UBR3: variants seen among roughly 807,000 people sequenced by gnomAD.
UBR3 encodes ubiquitin protein ligase E3 component n-recognin 3.
A neutral mutation model predicts 243.2 loss-of-function variants in UBR3; 85 were observed. The ratio of observed to expected loss-of-function variants is 0.35; its 90% CI spans 0.29 to 0.42. The LOEUF (loss-of-function observed/expected upper bound fraction) is 0.42. Ranked by LOEUF, UBR3 falls within the 10% of genes least tolerant of loss-of-function variation. The probability of loss-of-function intolerance (pLI) is 1.00; values close to 1 mark genes in which losing one functional copy is unlikely to be tolerated. For synonymous variants in UBR3, 748 were observed against 799.8 expected (o/e 0.94, Z 1.09); for missense variants, 1,686 against 2,300.8 (o/e 0.73, Z 5.47).
At chr2:169,931,791 T>C (rs767420632) in intron 18 of UBR3, among the ~76,000 whole-genome samples, 4 of 152,158 alleles carry the variant, frequency 2.6e-5, no homozygotes, top group Non-Finnish European at 5.9e-5. Context: ...CTAAGCGTGA[T>C]TATTAGTGAG....
chr2:169,871,880 A>G (rs2083451443), intron 1 of UBR3, among the ~76,000 whole-genome samples: 1 of 152,180 alleles, frequency 6.6e-6, no homozygotes, highest in Non-Finnish European at 1.5e-5. Flanking sequence ...AAAAATGTAA[A>G]TGCTTTTAAA....
rs181712234 is a variant in UBR3 at position 169,893,336 on chromosome 2, T to C, written c.1106-1845T>C. Among the ~76,000 whole-genome samples the C allele has an allele frequency of 1.4e-4, 21 of 152,374 alleles. No homozygotes were observed. In the East Asian group the frequency reaches 3.8e-3, roughly 28 times the overall value. On this transcript the variant is annotated intron_variant, in intron 6 of 38. Coordinates refer to ENST00000272793, the MANE Select transcript of UBR3 (RefSeq NM_172070.4). ...CTTTTAAGTGCTTGACAATTAATAA[T>C]AATTATGATGGCTTCAGGCTTTTCA... is the stretch of plus-strand genomic sequence containing the variant.
intron 10 of UBR3, among the ~76,000 whole-genome samples, chr2:169,906,646 A>G (rs2085021579): frequency 6.6e-6 from 1 of 152,178 alleles, no homozygotes; most frequent in African/African-American, 2.4e-5. Flanking sequence ...ATTAAACTAA[A>G]GACTTGACTA....
At chr2:170,081,529 A>T (rs1384574126) in intron 38 of UBR3, among the ~76,000 whole-genome samples, 197 bp from the exon 39 acceptor site, 3 of 151,984 alleles carry the variant, frequency 2.0e-5, no homozygotes, top group African/African-American at 7.2e-5. Context: ...AAAAAATAAA[A>T]AAATAAAAAA....
intron 1 of UBR3, among the ~76,000 whole-genome samples, chr2:169,863,734 T>G (rs1471586671): frequency 1.3e-5 from 2 of 152,232 alleles, no homozygotes; most frequent in Non-Finnish European, 2.9e-5. Flanking sequence ...TTAGCTCACT[T>G]GACTTACTGG....
At chr2:169,894,462 G>A (rs1200991722) in intron 6 of UBR3, among the ~76,000 whole-genome samples, 2 of 150,358 alleles carry the variant, frequency 1.3e-5, no homozygotes, top group African/African-American at 4.9e-5. Context: ...CCTTTCTGTA[G>A]TTAAAATCAT....
At chr2:170,023,183 C>G (rs10187381) in intron 30 of UBR3, among the ~76,000 whole-genome samples, 1 of 151,540 alleles carries the variant, frequency 6.6e-6, no homozygotes, top group South Asian at 2.1e-4. Flanking sequence ...TTGTTACCCA[C>G]GCTGGCCTCA....
At chr2:170,017,626 A>G (rs1324622812) in intron 30 of UBR3, among the ~76,000 whole-genome samples, 2 of 152,014 alleles carry the variant, frequency 1.3e-5, no homozygotes, top group East Asian at 3.9e-4. Context: ...AATGAAAGCA[A>G]AAAATATTAA....
rs747157866 is a variant in UBR3 at position 169,896,653 on chromosome 2, A to G, written c.1383A>G (p.Thr461=). The part of the protein sequence containing the change: ...FSNEELARQV[T]EECQLLDIMV... ...ATGAGGAGCTAGCCAGACAGGTAAC[A>G]GAAGAATGTCAGCTGCTGGATATTA... Residue 461 remains threonine (T), a synonymous_variant, in exon 8 of 39, where the codon ACA becomes ACG. Coordinates refer to ENST00000272793, the MANE Select transcript of UBR3 (RefSeq NM_172070.4). 1.3e-6 allele frequency: 2 copies of G among 1,551,372 alleles called. No individual in the cohort carries two copies. Among genetic ancestry groups the G allele is most frequent in the Middle Eastern group, 1.7e-4 (1 of 5,990 alleles).
chr2:169,938,866 T>C (rs909623303), intron 19 of UBR3, among the ~76,000 whole-genome samples: 10 of 152,326 alleles, frequency 6.6e-5, no homozygotes, highest in Non-Finnish European at 1.5e-4. Context: ...TCCAACTTAA[T>C]TCTTATTCAT....
intron 35 of UBR3, among the ~76,000 whole-genome samples, chr2:170,070,164 T>A (rs558533858): frequency 6.6e-6 from 1 of 152,228 alleles, no homozygotes; most frequent in African/African-American, 2.4e-5. Flanking sequence ...CATGACCAAA[T>A]GGGTTTATCC....
chr2:170,018,487 C>T (rs2090306947), intron 30 of UBR3, among the ~76,000 whole-genome samples: 1 of 152,152 alleles, frequency 6.6e-6, no homozygotes, highest in African/African-American at 2.4e-5. Flanking sequence ...ACCATGTATT[C>T]AGCACATGAT....
At chr2:169,918,488 A>ATT (rs34312357) in intron 11 of UBR3, among the ~76,000 whole-genome samples, 193 of 141,690 alleles carry the variant, frequency 1.4e-3, no homozygotes, top group South Asian at 2.9e-3. Flanking sequence ...CAAGCAAATA[A>ATT]TTTTTTTTTT....
At chr2:169,904,670 T>G (rs1003329565) in intron 8 of UBR3, among the ~76,000 whole-genome samples, 1 of 152,176 alleles carries the variant, frequency 6.6e-6, no homozygotes, top group Non-Finnish European at 1.5e-5. Flanking sequence ...AGCAATTAAA[T>G]GTACATCTCT....
Position 169,947,858 on chromosome 2 carries a change from A to G in UBR3, c.3084+143A>G, listed in dbSNP as rs963879973. The stretch of plus-strand genomic sequence containing the variant: ...AATTGTCTTTTATTTCCTCTGATAT[A>G]TCTATGTAACTTCTACCTTACCAGT... On this transcript the variant is annotated intron_variant, in intron 22 of 38. Coordinates refer to ENST00000272793, the MANE Select transcript of UBR3 (RefSeq NM_172070.4). 5.7e-5 allele frequency: 70 copies of G among 1,234,774 alleles called. No individual in the cohort carries two copies. In the Middle Eastern group the frequency reaches 1.9e-3, roughly 33 times the overall value. The allele number at this position is 1,234,774 out of a possible 1,614,324, so 76.5% of individuals were successfully genotyped here. A position where few individuals can be genotyped will look rare whatever the true frequency, so the allele number is the denominator to read the frequency against.
chr2:169,983,371 T>C (rs2088846482), intron 24 of UBR3, among the ~76,000 whole-genome samples: 1 of 151,074 alleles, frequency 6.6e-6, no homozygotes. Context: ...AGTGATTCTC[T>C]TGTCTCAGCC....
chr2:169,945,353 G>C (rs777095039), intron 20 of UBR3, among the ~76,000 whole-genome samples: 4 of 152,066 alleles, frequency 2.6e-5, no homozygotes, highest in Non-Finnish European at 5.9e-5. Flanking sequence ...GAATATAGAA[G>C]CCCTCTGAAT....
rs145926847 is a variant in UBR3, at chr2:169,917,509, C to T, written c.1866+3363C>T. Among the ~76,000 whole-genome samples the T allele has an allele frequency of 2.0e-3, 307 of 152,294 alleles. 1 individual carries two copies. The highest frequency in any genetic ancestry group is 6.9e-3 in the African/African-American group (287 of 41,552). On this transcript the variant is annotated intron_variant, in intron 11 of 38. Coordinates refer to ENST00000272793, the MANE Select transcript of UBR3 (RefSeq NM_172070.4). ...TATTTAAATTAATCATGCTTGGAAT[C>T]ATGAGTGTAGTGAAGGACAGTTAGA...
At chr2:170,047,636 G>A (rs1056263040) in intron 32 of UBR3, among the ~76,000 whole-genome samples, 4 of 152,180 alleles carry the variant, frequency 2.6e-5, no homozygotes. Flanking sequence ...CATACGTGAT[G>A]TACAGTAGTC....
Sources: allele counts gnomAD v4.1 joint callset (sites outside exome capture counted in the v4.1 genomes callset), GRCh38; gene constraint gnomAD v4.1.1; transcripts MANE v1.5; gene names NCBI Gene and HGNC (gene_info 2026-07-23, HGNC 2026-07-21).